PTPRN2: variants seen among roughly 807,000 people sequenced by gnomAD.
The protein encoded by PTPRN2 is protein tyrosine phosphatase receptor type N2, also known as receptor-type tyrosine-protein phosphatase N2.
In PTPRN2, 74 loss-of-function variants were observed where a neutral mutation model predicts 118.8. The observed-to-expected ratio is 0.62, with a 90% CI of 0.52 to 0.76. The LOEUF (loss-of-function observed/expected upper bound fraction) is 0.76. Among genes scored for constraint, PTPRN2 ranks in the 30% least tolerant of loss-of-function variants. PTPRN2 has a pLI of 0.00. For missense variants in PTPRN2, 1,481 were observed against 1,394.4 expected (o/e 1.06, Z -0.99); for synonymous variants, 641 against 608.0 (o/e 1.05, Z -0.80).
intron 2 of PTPRN2, among the ~76,000 whole-genome samples, chr7:158,451,339 G>A (rs1398825097): frequency 6.6e-6 from 1 of 152,090 alleles, no homozygotes; most frequent in African/African-American, 2.4e-5. Flanking sequence ...TTTACTAAGA[G>A]TTATTCTTGA....
At chr7:158,528,636 A>C (rs976762088) in intron 1 of PTPRN2, among the ~76,000 whole-genome samples, 13 of 151,612 alleles carry the variant, frequency 8.6e-5, no homozygotes, top group Non-Finnish European at 1.8e-4. Flanking sequence ...AATACAAAAA[A>C]AAAAAAAATT....
chr7:158,081,222 G>A (rs1812794041), intron 11 of PTPRN2, 76 bp downstream of exon 11: 2 of 1,364,960 alleles, frequency 1.5e-6, no homozygotes, highest in Non-Finnish European at 2.1e-6. Flanking sequence ...CCCTGGCTGT[G>A]CATGTGCGTG....
chr7:158,248,225 G>C (rs567077139), intron 3 of PTPRN2, among the ~76,000 whole-genome samples: 1 of 152,062 alleles, frequency 6.6e-6, no homozygotes, highest in South Asian at 2.1e-4. Context: ...TCAAACCATC[G>C]GGCTGGAGGC....
chr7:158,009,138 G>A (rs923400859), intron 11 of PTPRN2, among the ~76,000 whole-genome samples: 3 of 151,988 alleles, frequency 2.0e-5, no homozygotes, highest in African/African-American at 4.8e-5. Context: ...GCCCGTGACC[G>A]ACCCCCTCAG....
chr7:157,842,573 C>G (rs926436052), intron 12 of PTPRN2, among the ~76,000 whole-genome samples: 1 of 152,054 alleles, frequency 6.6e-6, no homozygotes, highest in African/African-American at 2.4e-5. Context: ...CACCACCATG[C>G]CCAGCTAATT....
rs1177547902 is a variant in PTPRN2 at position 158,249,025 on chromosome 7, AACACACGTGCACACATGCC to A, written c.278-43771_278-43753del. ...CATGCAGCACATATGTGCATACATA[AACACACGTGCACACATGCC>A]ACACACGTGCACCCACATCACACAC... On this transcript the variant is annotated intron_variant, in intron 3 of 22. Transcript: ENST00000389418. Among the ~76,000 whole-genome samples the A allele has an allele frequency of 5.8e-3, 777 of 133,102 alleles. 5 individuals are homozygous for A. Among genetic ancestry groups the A allele is most frequent in the African/African-American group, 0.021 (733 of 34,404 alleles). The allele number at this position is 133,102 out of a possible 152,430, so 87.3% of individuals were successfully genotyped here.
At chr7:158,108,062 C>A (rs1228074776) in intron 10 of PTPRN2, among the ~76,000 whole-genome samples, 2 of 151,944 alleles carry the variant, frequency 1.3e-5, no homozygotes, top group Non-Finnish European at 2.9e-5. Flanking sequence ...ATAGCCCCTT[C>A]CTACTGCATT....
At chr7:157,650,942 G>C (rs1352829821) in intron 14 of PTPRN2, among the ~76,000 whole-genome samples, 8 of 152,208 alleles carry the variant, frequency 5.3e-5, no homozygotes, top group Non-Finnish European at 1.0e-4. Flanking sequence ...GCAGAGACAC[G>C]ACGGGCCCAG....
intron 2 of PTPRN2, among the ~76,000 whole-genome samples, chr7:158,322,374 G>A (rs377461402): frequency 7.2e-5 from 11 of 152,286 alleles, no homozygotes; most frequent in African/African-American, 2.2e-4. Context: ...CCTGACAGAG[G>A]GCACTGACCT....
intron 3 of PTPRN2, among the ~76,000 whole-genome samples, chr7:158,240,447 G>A (rs540194661): frequency 3.9e-5 from 6 of 152,262 alleles, no homozygotes; most frequent in South Asian, 4.1e-4. Flanking sequence ...GTTTTCTTTC[G>A]AGATGGACTC....
rs998275750 is a variant in PTPRN2, at chr7:158,425,032, G to A, written c.163+64703C>T. On this transcript the variant is annotated intron_variant, in intron 2 of 22. Transcript: ENST00000389418. ...TACCATCCACCATCAGGTGACTGTC[G>A]GTAAAGGAGGGGACCCTCCTTCATG... 6.6e-5 allele frequency among the ~76,000 whole-genome samples: 10 copies of A among 152,332 alleles called. No individual in the cohort carries two copies. In the East Asian group the frequency reaches 9.7e-4, roughly 15 times the overall value.
intron 7 of PTPRN2, 107 bp downstream of exon 7, chr7:158,138,187 G>T: frequency 2.1e-6 from 2 of 965,260 alleles, no homozygotes; most frequent in Non-Finnish European, 3.0e-6. Context: ...CATCTCCCCA[G>T]CAGAAAGCCC....
At chr7:157,870,645 A>G (rs1006331263) in intron 12 of PTPRN2, among the ~76,000 whole-genome samples, 2 of 152,234 alleles carry the variant, frequency 1.3e-5, no homozygotes, top group African/African-American at 4.8e-5. Context: ...AAATCCATGC[A>G]TAGTTTTCCA....
At chr7:158,210,280 C>A (rs946057808) in intron 3 of PTPRN2, among the ~76,000 whole-genome samples, 7 of 151,418 alleles carry the variant, frequency 4.6e-5, no homozygotes, top group African/African-American at 1.7e-4. Flanking sequence ...GGACTACAGG[C>A]GCCCGCTACC....
intron 11 of PTPRN2, among the ~76,000 whole-genome samples, chr7:158,071,571 GTGGAGGTGCTCCTGGTGGAGGTGCTCC>G (rs1348228304): frequency 2.0e-4 from 4 of 20,246 alleles, no homozygotes; most frequent in Non-Finnish European, 3.4e-4. Flanking sequence ...GGTGCTCCTG[GTGGAGGTGCTCCTGGTGGAGGTGCTCC>G]TGGTGGAGGT....
At chr7:158,343,581 C>T (rs1479162262) in intron 2 of PTPRN2, among the ~76,000 whole-genome samples, 1 of 149,318 alleles carries the variant, frequency 6.7e-6, no homozygotes, top group Non-Finnish European at 1.5e-5. Context: ...AGGGCTCGCG[C>T]AGAGGCTCAG....
chr7:157,927,059 A>G (rs1281895860), intron 11 of PTPRN2, among the ~76,000 whole-genome samples: 1 of 129,430 alleles, frequency 7.7e-6, no homozygotes, highest in African/African-American at 2.7e-5. Context: ...CTGAGAGCAG[A>G]GGCCTCGCAT....
intron 12 of PTPRN2, among the ~76,000 whole-genome samples, chr7:157,722,049 C>A (rs1799269363): frequency 6.6e-6 from 1 of 152,170 alleles, no homozygotes; most frequent in African/African-American, 2.4e-5. Flanking sequence ...GGAGCAGCCA[C>A]CAACCAAGAA....
intron 11 of PTPRN2, among the ~76,000 whole-genome samples, chr7:158,064,624 A>C (rs543804381): frequency 7.0e-4 from 106 of 152,294 alleles, no homozygotes; most frequent in African/African-American, 2.4e-3. Flanking sequence ...CTTCCTCCCC[A>C]GATGCTCCTT....
Sources: gnomAD v4.1 joint callset for allele counts (sites outside exome capture counted in the v4.1 genomes callset) on GRCh38, gnomAD v4.1.1 for gene constraint, MANE v1.5 for transcripts, NCBI Gene and HGNC (gene_info 2026-07-23, HGNC 2026-07-21) for gene names.